MRPL42: variants seen among roughly 807,000 people sequenced by gnomAD.
The protein encoded by MRPL42 is mitochondrial ribosomal protein L42.
MRPL42 carries 17 observed loss-of-function variants against 17.9 expected under a neutral mutation model. The ratio of observed to expected loss-of-function variants is 0.95; its 90% confidence interval spans 0.65 to 1.42. MRPL42 has a LOEUF of 1.42. MRPL42 is among the 40% of genes most tolerant of loss of function. MRPL42 has a pLI of 0.00. For synonymous variants in MRPL42, 59 were observed against 54.4 expected (o/e 1.08, Z -0.37); for missense variants, 177 against 175.2 (o/e 1.01, Z -0.06).
intron 2 of MRPL42, among the ~76,000 whole-genome samples, chr12:93,471,654 A>C (rs1044802291): frequency 6.6e-6 from 1 of 151,732 alleles, no homozygotes; most frequent in Non-Finnish European, 1.5e-5. Flanking sequence ...TGCTTGCCCC[A>C]CTCTCCCATT....
chr12:93,477,726 G>A (rs1880251526), intron 3 of MRPL42, among the ~76,000 whole-genome samples: 1 of 151,384 alleles, frequency 6.6e-6, no homozygotes, highest in African/African-American at 2.4e-5. Flanking sequence ...GCAGTGGTGT[G>A]ATCTTGGCTC....
At position 93,501,810 on chromosome 12, in the gene MRPL42, T is replaced by C. The variant is rs1034945547; in HGVS notation, c.*589T>C. On this transcript the variant is annotated 3_prime_UTR_variant, in exon 6 of 6. Coordinates refer to ENST00000549982, the MANE Select transcript of MRPL42 (RefSeq NM_014050.4). ...CCTGAAGGAGATTTTTTAATTGCCT[T>C]TGAGAATAAACTCATAAGGTCTACC... The C allele has an allele frequency of 2.9e-5, 4 of 137,412 alleles. No individual in the cohort carries two copies. The highest frequency in any genetic ancestry group is 2.3e-4 in the Admixed American group (3 of 13,068). 8.5% of individuals were successfully genotyped at this position (137,412 alleles called of 1,614,324 possible).
chr12:93,484,971 C>CATAT, intron 4 of MRPL42, among the ~76,000 whole-genome samples: 2,834 of 33,544 alleles, frequency 0.084, 720 homozygotes, highest in African/African-American at 0.2. Context: ...AACACACACA[C>CATAT]ACACACACAT....
In MRPL42 at chr12:93,514,272, C is replaced by T; in HGVS notation, c.*13051C>T. ...CAATAATGATTGGACAGTTTTCTCC[C>T]TCTGCTTTTTCTTTCTTTCTTTCTT... is the stretch of plus-strand genomic sequence containing the variant. On this transcript the variant is annotated 3_prime_UTR_variant, in exon 6 of 6. Transcript: ENST00000549982. The T allele has an allele frequency of 6.6e-6, 1 of 150,450 alleles. No homozygotes were observed. Among genetic ancestry groups the T allele is most frequent in the East Asian group, 1.9e-4 (1 of 5,164 alleles). 9.3% of individuals were successfully genotyped at this position (150,450 alleles called of 1,614,324 possible). A position where few individuals can be genotyped will look rare whatever the true frequency, so the allele number is the denominator to read the frequency against.
rs1458384590 is a variant in MRPL42, at chr12:93,503,979, A to C, written c.*2758A>C. 2 of 135,114 alleles carry C rather than the reference A, an allele frequency of 1.5e-5. No homozygotes were observed. Among genetic ancestry groups the C allele is most frequent in the Non-Finnish European group, 3.2e-5 (2 of 63,054 alleles). The allele number at this position is 135,114 out of a possible 1,614,324, so 8.4% of individuals were successfully genotyped here. On this transcript the variant is annotated 3_prime_UTR_variant, in exon 6 of 6. Coordinates refer to ENST00000549982, the MANE Select transcript of MRPL42 (RefSeq NM_014050.4). ...TGGATTATTACCATTTTCTTTTTTTATTTTTTTTTTAAATTTATTTCTTCT... is the reference window on the plus strand; with the variant it reads ...TGGATTATTACCATTTTCTTTTTTTCTTTTTTTTTTAAATTTATTTCTTCT...
At chr12:93,497,030 G>A (rs1208049925) in intron 5 of MRPL42, among the ~76,000 whole-genome samples, 1 of 152,096 alleles carries the variant, frequency 6.6e-6, no homozygotes. Flanking sequence ...GGAAGAAACT[G>A]AAACCCTGAA....
Position 93,507,519 on chromosome 12 carries a change from A to G in MRPL42, c.*6298A>G, listed in dbSNP as rs1353028881. On this transcript the variant is annotated 3_prime_UTR_variant, in exon 6 of 6. Coordinates refer to ENST00000549982, the MANE Select transcript of MRPL42 (RefSeq NM_014050.4). Reference sequence around the variant, plus strand: ...AACTTTGGATGAATCCTTGAATATCAGTTATCTATTGCCAATTAACAAATC... The same window carrying G: ...AACTTTGGATGAATCCTTGAATATCGGTTATCTATTGCCAATTAACAAATC... The G allele has an allele frequency of 6.6e-6, 1 of 152,240 alleles. No individual in the cohort carries two copies. The highest frequency in any genetic ancestry group is 1.5e-5 in the Non-Finnish European group (1 of 68,042). 9.4% of individuals were successfully genotyped at this position (152,240 alleles called of 1,614,324 possible).
chr12:93,496,245 G>C (rs1238725901), intron 5 of MRPL42, among the ~76,000 whole-genome samples: 1 of 152,002 alleles, frequency 6.6e-6, no homozygotes, highest in East Asian at 1.9e-4. Context: ...TTTTAGTAAA[G>C]GCAGGGTTTC....
chr12:93,478,946 T>A (rs1036644353), intron 3 of MRPL42, among the ~76,000 whole-genome samples: 9 of 130,080 alleles, frequency 6.9e-5, no homozygotes, highest in East Asian at 2.1e-4. Flanking sequence ...TTATTTATTT[T>A]TTTGAGATGG....
rs745397216 is a variant in MRPL42 at position 93,501,156 on chromosome 12, A to G, written c.384-20A>G. 7.1e-6 allele frequency: 11 copies of G among 1,560,234 alleles called. No homozygotes were observed. In the South Asian group the frequency reaches 1.2e-4, roughly 17 times the overall value. ...TTTTTATTAAAATCATCTTATTCCA[A>G]GTATTTTCTTCTTTTCAAGGTATCA... is the stretch of plus-strand genomic sequence containing the variant. On this transcript the variant is annotated intron_variant, in intron 5 of 5. Coordinates refer to ENST00000549982, the MANE Select transcript of MRPL42 (RefSeq NM_014050.4).
intron 3 of MRPL42, among the ~76,000 whole-genome samples, chr12:93,477,987 C>A (rs1880263654): frequency 6.6e-6 from 1 of 151,256 alleles, no homozygotes; most frequent in Non-Finnish European, 1.5e-5. Flanking sequence ...GACAGAGACT[C>A]ACTTTGTCAC....
At position 93,482,838 on chromosome 12, in the gene MRPL42, G is replaced by C. The variant is rs182353294; in HGVS notation, c.219+3366G>C. On this transcript the variant is annotated intron_variant, in intron 4 of 5. Coordinates refer to ENST00000549982, the MANE Select transcript of MRPL42 (RefSeq NM_014050.4). ...TGGACTCAAGCAGTCCTCTCACCTT[G>C]GCTTCCCAAAGTGCCGGGCTTACAA... 3.3e-5 allele frequency among the ~76,000 whole-genome samples: 5 copies of C among 151,682 alleles called. No homozygotes were observed. The East Asian group carries it at 5.8e-4, about 18-fold the overall frequency.
chr12:93,472,673 A>G (rs1592765421), intron 2 of MRPL42, among the ~76,000 whole-genome samples: 1 of 152,210 alleles, frequency 6.6e-6, no homozygotes, highest in East Asian at 1.9e-4. Flanking sequence ...GCAAAGCGAA[A>G]TCATGATTAA....
intron 5 of MRPL42, among the ~76,000 whole-genome samples, chr12:93,490,598 A>G (rs887798955): frequency 1.3e-5 from 2 of 152,126 alleles, no homozygotes; most frequent in African/African-American, 4.8e-5. Context: ...GTCATTTTCA[A>G]GTGTTGGTTT....
Position 93,512,562 on chromosome 12 carries a change from A to G in MRPL42, c.*11341A>G, listed in dbSNP as rs933037154. The G allele has an allele frequency of 2.0e-5, 3 of 152,624 alleles. No homozygotes were observed. Among genetic ancestry groups the G allele is most frequent in the Admixed American group, 6.5e-5 (1 of 15,282 alleles). The allele number at this position is 152,624 out of a possible 1,614,324, so 9.5% of individuals were successfully genotyped here. ...GTTCTGATAGCTTCAGAATTCTTTCATACAAGGCAGGAATGCAACTTGTTT... is the reference window on the plus strand; with the variant it reads ...GTTCTGATAGCTTCAGAATTCTTTCGTACAAGGCAGGAATGCAACTTGTTT... On this transcript the variant is annotated 3_prime_UTR_variant, in exon 6 of 6. Transcript: ENST00000549982.
chr12:93,488,897 C>T (rs1468576182), intron 5 of MRPL42, among the ~76,000 whole-genome samples: 1 of 150,274 alleles, frequency 6.7e-6, no homozygotes, highest in African/African-American at 2.5e-5. Flanking sequence ...CATTATGTTA[C>T]CCAGGCTGAT....
At chr12:93,495,647 A>T (rs1953487094) in intron 5 of MRPL42, among the ~76,000 whole-genome samples, 1 of 152,216 alleles carries the variant, frequency 6.6e-6, no homozygotes, top group South Asian at 2.1e-4. Context: ...TTACACTCCC[A>T]GTTCACCCAC....
Position 93,514,301 on chromosome 12 carries a change from T to TCTTTC in MRPL42, c.*13080_*13081insCTTTC, listed in dbSNP as rs1565824132. 1 of 89,358 alleles carries TCTTTC rather than the reference T, an allele frequency of 1.1e-5. No homozygotes were observed. Among genetic ancestry groups the TCTTTC allele is most frequent in the South Asian group, 4.1e-4 (1 of 2,428 alleles). The allele number at this position is 89,358 out of a possible 1,614,324, so 5.5% of individuals were successfully genotyped here. ...GCTTTTTCTTTCTTTCTTTCTTTTTTTTTTTTTTTTTTTTGAGATGGCGTC... is the reference window on the plus strand; with the variant it reads ...GCTTTTTCTTTCTTTCTTTCTTTTTTCTTTCTTTTTTTTTTTTTTGAGATGGCGTC... On this transcript the variant is annotated 3_prime_UTR_variant, in exon 6 of 6. Transcript: ENST00000549982.
rs377656715 is a variant in MRPL42 at position 93,512,544 on chromosome 12, T to C, written c.*11323T>C. ...TTCAATTATCTGAAGACAGTTCTGA[T>C]AGCTTCAGAATTCTTTCATACAAGG... is the stretch of plus-strand genomic sequence containing the variant. On this transcript the variant is annotated 3_prime_UTR_variant, in exon 6 of 6. Coordinates refer to ENST00000549982, the MANE Select transcript of MRPL42 (RefSeq NM_014050.4). 33 of 152,750 alleles carry C rather than the reference T, an allele frequency of 2.2e-4. No individual in the cohort carries two copies. Among genetic ancestry groups the C allele is most frequent in the African/African-American group, 7.5e-4 (31 of 41,586 alleles). The allele number at this position is 152,750 out of a possible 1,614,324, so 9.5% of individuals were successfully genotyped here.
Sources: gnomAD v4.1 joint callset for allele counts (sites outside exome capture counted in the v4.1 genomes callset) on GRCh38, gnomAD v4.1.1 for gene constraint, MANE v1.5 for transcripts, NCBI Gene and HGNC (gene_info 2026-07-23, HGNC 2026-07-21) for gene names.